Variants in ARHGAP6 observed in about 807,000 individuals in gnomAD.
The protein encoded by ARHGAP6 is rho GTPase-activating protein 6.
Under a neutral mutation model 55.7 loss-of-function variants are expected in ARHGAP6, and 16 were observed. The observed-to-expected ratio is 0.29, with a 90% CI of 0.19 to 0.44. ARHGAP6 has a LOEUF of 0.44. ARHGAP6 is among the 20% of genes least tolerant of loss of function. ARHGAP6 has a pLI of 1.00. For synonymous variants in ARHGAP6, 382 were observed against 360.9 expected (o/e 1.06, Z -0.66); for missense variants, 698 against 808.9 (o/e 0.86, Z 1.66).
intron 2 of ARHGAP6, among the ~76,000 whole-genome samples, chrX:11,236,011 G>A (rs1366302059): frequency 1.8e-5 from 2 of 111,852 alleles, no homozygotes; most frequent in Non-Finnish European, 3.8e-5. Context: ...CAGTTCCAAA[G>A]TTGCTTCCGC....
intron 1 of ARHGAP6, among the ~76,000 whole-genome samples, chrX:11,473,871 A>T (rs2050376336): frequency 9.0e-6 from 1 of 111,436 alleles, no homozygotes; most frequent in Non-Finnish European, 1.9e-5. Context: ...TGAATGATGA[A>T]GGTTAATCAG....
At chrX:11,242,654 A>T (rs1205515243) in intron 2 of ARHGAP6, among the ~76,000 whole-genome samples, 1 of 112,053 alleles carries the variant, frequency 8.9e-6, no homozygotes, top group African/African-American at 3.2e-5. Context: ...CGGGGCAGGG[A>T]AAATGGCTTT....
intron 9 of ARHGAP6, among the ~76,000 whole-genome samples, chrX:11,157,121 C>T (rs956161516): frequency 8.0e-5 from 9 of 111,958 alleles, no homozygotes; most frequent in Admixed American, 1.9e-4. Flanking sequence ...ATCTTAGCCA[C>T]GCCAGTCACT....
At chrX:11,510,834 A>G (rs927824980) in intron 1 of ARHGAP6, among the ~76,000 whole-genome samples, 1 of 112,097 alleles carries the variant, frequency 8.9e-6, no homozygotes, top group Non-Finnish European at 1.9e-5. Context: ...AAAAAATTTT[A>G]TGAAATTCAA....
intron 1 of ARHGAP6, among the ~76,000 whole-genome samples, chrX:11,360,023 C>A (rs1275890333): frequency 9.0e-6 from 1 of 111,412 alleles, no homozygotes; most frequent in Middle Eastern, 4.2e-3. Context: ...AATAGCTTAC[C>A]AACCAAAAAG....
intron 1 of ARHGAP6, among the ~76,000 whole-genome samples, chrX:11,357,912 T>C (rs1012365536): frequency 1.8e-5 from 2 of 111,088 alleles, no homozygotes; most frequent in Non-Finnish European, 3.8e-5. Context: ...TACTATAAAA[T>C]TTACCACTTT....
intron 1 of ARHGAP6, among the ~76,000 whole-genome samples, chrX:11,614,947 A>C (rs1429739273): frequency 9.0e-6 from 1 of 110,608 alleles, no homozygotes; most frequent in Admixed American, 9.6e-5. Context: ...TAATGAAAAA[A>C]AAAAGGTGGA....
chrX:11,383,017 T>G (rs1247703309), intron 1 of ARHGAP6, among the ~76,000 whole-genome samples: 1 of 112,244 alleles, frequency 8.9e-6, no homozygotes, highest in Non-Finnish European at 1.9e-5. Flanking sequence ...ACATTATTTA[T>G]TAGATACGTT....
At chrX:11,522,762 A>C (rs949900372) in intron 1 of ARHGAP6, among the ~76,000 whole-genome samples, 2 of 111,360 alleles carry the variant, frequency 1.8e-5, no homozygotes, top group African/African-American at 6.5e-5. Context: ...CAACCAAAAA[A>C]AGTCCAGGAC....
At chrX:11,281,028 A>G (rs1645080356) in intron 1 of ARHGAP6, among the ~76,000 whole-genome samples, 1 of 111,871 alleles carries the variant, frequency 8.9e-6, no homozygotes, top group African/African-American at 3.3e-5. Context: ...ATGTTCGTGA[A>G]AGTAGACTGA....
intron 1 of ARHGAP6, among the ~76,000 whole-genome samples, chrX:11,376,256 T>C (rs2147716023): frequency 8.9e-6 from 1 of 112,408 alleles, no homozygotes; most frequent in African/African-American, 3.2e-5. Flanking sequence ...GACATGGTAA[T>C]AGGAACACTG....
chrX:11,176,250 TATATA>T (rs1409227785), intron 8 of ARHGAP6, among the ~76,000 whole-genome samples: 32 of 68,859 alleles, frequency 4.6e-4, no homozygotes, highest in African/African-American at 6.2e-4. Flanking sequence ...TATATATATA[TATATA>T]TATATATATT....
At chrX:11,310,647 C>T (rs1157082504) in intron 1 of ARHGAP6, among the ~76,000 whole-genome samples, 2 of 111,794 alleles carry the variant, frequency 1.8e-5, no homozygotes, top group Non-Finnish European at 3.8e-5. Flanking sequence ...CCAATTACAC[C>T]AGGCTCTTCC....
intron 10 of ARHGAP6, among the ~76,000 whole-genome samples, chrX:11,146,498 C>A (rs765100200): frequency 1.8e-5 from 2 of 112,581 alleles, no homozygotes; most frequent in South Asian, 3.7e-4. Flanking sequence ...TCCCCACCCC[C>A]CAGTGTATCC....
At chrX:11,210,478 C>T (rs1421815957) in intron 2 of ARHGAP6, among the ~76,000 whole-genome samples, 2 of 112,278 alleles carry the variant, frequency 1.8e-5, no homozygotes, top group Non-Finnish European at 3.8e-5. Context: ...ATAACAGTCC[C>T]TCAAAAACAA....
At chrX:11,664,211 G>A in intron 1 of ARHGAP6, 30 bp downstream of exon 1, 1 of 1,169,634 alleles carries the variant, frequency 8.5e-7, no homozygotes, top group Non-Finnish European at 1.1e-6. Flanking sequence ...CTCCTCCTTG[G>A]GCCGTGGGAC....
chrX:11,225,582 G>C, intron 2 of ARHGAP6: 2 of 259,268 alleles, frequency 7.7e-6, no homozygotes, highest in Non-Finnish European at 1.4e-5. Context: ...GATTTAAAGA[G>C]TATCCATTTA....
At chrX:11,379,579 C>T (rs2049239890) in intron 1 of ARHGAP6, among the ~76,000 whole-genome samples, 1 of 112,204 alleles carries the variant, frequency 8.9e-6, no homozygotes, top group Non-Finnish European at 1.9e-5. Context: ...GTTTAACAAA[C>T]AAAATCCTTT....
intron 1 of ARHGAP6, among the ~76,000 whole-genome samples, chrX:11,606,033 G>A (rs985120777): frequency 9.0e-6 from 1 of 111,302 alleles, no homozygotes; most frequent in Non-Finnish European, 1.9e-5. Context: ...GAGGGAAGAG[G>A]AGAACAGGAA....
Sources: allele counts gnomAD v4.1 joint callset (sites outside exome capture counted in the v4.1 genomes callset), GRCh38; gene constraint gnomAD v4.1.1; transcripts MANE v1.5; gene names NCBI Gene and HGNC (gene_info 2026-07-23, HGNC 2026-07-21).